ABCC4: variants seen among roughly 807,000 people sequenced by gnomAD.
ABCC4 encodes the protein ATP-binding cassette sub-family C member 4.
In ABCC4, 102 loss-of-function variants were observed where a neutral mutation model predicts 168.5. That is an observed-to-expected ratio of 0.61 (90% CI 0.52 to 0.71). The LOEUF (loss-of-function observed/expected upper bound fraction) is 0.71, where lower values mean the gene tolerates loss of function less well. Ranked by LOEUF, ABCC4 falls within the 30% of genes least tolerant of loss-of-function variation. The probability of loss-of-function intolerance (pLI) is 0.00; values close to 1 mark genes in which losing one functional copy is unlikely to be tolerated. For synonymous variants in ABCC4, 617 were observed against 590.7 expected (o/e 1.04, Z -0.65); for missense variants, 1,402 against 1,605.8 (o/e 0.87, Z 2.17).
chr13:95,203,656 C>T (rs958360004), intron 8 of ABCC4, among the ~76,000 whole-genome samples: 25 of 152,186 alleles, frequency 1.6e-4, no homozygotes, highest in African/African-American at 5.8e-4. Context: ...CCGCGCCTGG[C>T]CAGGAGGGTC....
At chr13:95,035,927 G>A (rs1362610314) in intron 29 of ABCC4, among the ~76,000 whole-genome samples, 3 of 152,224 alleles carry the variant, frequency 2.0e-5, no homozygotes, top group East Asian at 1.9e-4. Context: ...GTATTTAATC[G>A]GACACATTTA....
At chr13:95,026,715 C>T (rs2031560805) in intron 30 of ABCC4, among the ~76,000 whole-genome samples, 1 of 151,972 alleles carries the variant, frequency 6.6e-6, no homozygotes, top group African/African-American at 2.4e-5. Flanking sequence ...ACAGTGAGAC[C>T]TTGTCTCTAT....
chr13:95,232,371 AAAG>A (rs2039646582), intron 4 of ABCC4, among the ~76,000 whole-genome samples: 1 of 152,168 alleles, frequency 6.6e-6, no homozygotes, highest in Non-Finnish European at 1.5e-5. Context: ...CAACGAGGTC[AAAG>A]AAGAATACTT....
At chr13:95,100,678 T>C (rs1440149425) in intron 20 of ABCC4, among the ~76,000 whole-genome samples, 1 of 152,150 alleles carries the variant, frequency 6.6e-6, no homozygotes, top group Non-Finnish European at 1.5e-5. Flanking sequence ...CACAGACTAG[T>C]CCATCCTTGT....
chr13:95,247,439 C>G (rs890484522), intron 2 of ABCC4, among the ~76,000 whole-genome samples: 3 of 152,140 alleles, frequency 2.0e-5, no homozygotes, highest in Non-Finnish European at 4.4e-5. Context: ...TGCTGGCTCC[C>G]CTGACCTCTA....
At chr13:95,163,701 A>G in intron 16 of ABCC4, 54 bp from the exon 17 acceptor site, 2 of 1,448,078 alleles carry the variant, frequency 1.4e-6, no homozygotes, top group Non-Finnish European at 1.9e-6. Context: ...TGACTTACCA[A>G]CTCAAAACTC....
chr13:95,234,691 T>C lies in ABCC4; in HGVS notation c.450A>G (p.Ile150Met), dbSNP rs139097120. 6.2e-7 allele frequency: 1 copy of C among 1,614,024 alleles called. No homozygotes were observed. Among genetic ancestry groups the C allele is most frequent in the African/African-American group, 1.3e-5 (1 of 74,918 alleles). The change falls in exon 4 of 31, where the codon ATA (isoleucine) becomes ATG (methionine). Residue 150 changes from isoleucine to methionine, a missense_variant. By Grantham distance (10) the Ile-to-Met change is conservative. Transcript: ENST00000645237. ...CGTGATAAAAATATAAGTGATGCAG[T>C]ATAGCCAAAATGAGCGTGCAAAAAG... Reference protein sequence around the residue: ...VLTFCTLILAILHHLYFYHVQ... With the variant: ...VLTFCTLILAMLHHLYFYHVQ...
chr13:95,089,474 T>C (rs1759203623), intron 20 of ABCC4, among the ~76,000 whole-genome samples: 1 of 151,918 alleles, frequency 6.6e-6, no homozygotes, highest in Non-Finnish European at 1.5e-5. Flanking sequence ...AAAATTTAGC[T>C]AGGCGTGGTC....
At chr13:95,274,409 T>C (rs772567807) in intron 1 of ABCC4, among the ~76,000 whole-genome samples, 11 of 152,172 alleles carry the variant, frequency 7.2e-5, no homozygotes, top group Non-Finnish European at 1.0e-4. Context: ...ATGCCGTCTT[T>C]ATCTAGCCTG....
chr13:95,034,388 C>T (rs1173242992), intron 30 of ABCC4, among the ~76,000 whole-genome samples: 1 of 152,234 alleles, frequency 6.6e-6, no homozygotes, highest in African/African-American at 2.4e-5. Context: ...CATGTGTGCA[C>T]ACACTCGACC....
At chr13:95,028,814 T>C (rs1566354758) in intron 30 of ABCC4, among the ~76,000 whole-genome samples, 6 of 147,724 alleles carry the variant, frequency 4.1e-5, no homozygotes, top group African/African-American at 2.5e-5. Context: ...TGGAAGTTAA[T>C]TGGGAAAAGT....
intron 1 of ABCC4, among the ~76,000 whole-genome samples, chr13:95,267,264 G>A (rs1203055001): frequency 6.6e-6 from 1 of 152,066 alleles, no homozygotes; most frequent in Non-Finnish European, 1.5e-5. Flanking sequence ...GAATCATGGA[G>A]GCAGTTCTTT....
chr13:95,230,700 A>G (rs1594343520), intron 4 of ABCC4, among the ~76,000 whole-genome samples: 1 of 152,308 alleles, frequency 6.6e-6, no homozygotes, highest in African/African-American at 2.4e-5. Context: ...ACTTGAACCC[A>G]GGAGGCAGAG....
At chr13:95,034,556 G>C in intron 30 of ABCC4, 49 bp downstream of exon 30, 1 of 1,592,650 alleles carries the variant, frequency 6.3e-7, no homozygotes, top group Non-Finnish European at 8.5e-7. Context: ...ATTGTGCGGA[G>C]GGAGCCGCTG....
intron 14 of ABCC4, among the ~76,000 whole-genome samples, chr13:95,168,411 C>T (rs942602291): frequency 6.6e-6 from 1 of 152,102 alleles, no homozygotes; most frequent in Non-Finnish European, 1.5e-5. Context: ...ATTCACTTGC[C>T]GGGACTTCAG....
intron 1 of ABCC4, among the ~76,000 whole-genome samples, chr13:95,288,062 A>G (rs964273524): frequency 8.6e-6 from 1 of 116,408 alleles, no homozygotes; most frequent in African/African-American, 2.5e-5. Flanking sequence ...TAAATAAATA[A>G]ATAAATATTT....
chr13:95,223,730 G>C (rs906141008), intron 4 of ABCC4, among the ~76,000 whole-genome samples: 2 of 152,164 alleles, frequency 1.3e-5, no homozygotes, highest in African/African-American at 4.8e-5. Flanking sequence ...TCAAACTCCT[G>C]ACTTCATGTG....
chr13:95,173,106 C>A (rs991169807), intron 13 of ABCC4, among the ~76,000 whole-genome samples: 1 of 149,404 alleles, frequency 6.7e-6, no homozygotes, highest in East Asian at 2.0e-4. Context: ...ACTACACAAA[C>A]ACAGAAAACA....
intron 4 of ABCC4, among the ~76,000 whole-genome samples, chr13:95,212,447 AT>A (rs1364240724): frequency 2.0e-5 from 3 of 152,252 alleles, no homozygotes; most frequent in Non-Finnish European, 4.4e-5. Context: ...TTTTAAAAAA[AT>A]AAAAGCAAAA....
Sources: allele counts gnomAD v4.1 joint callset (sites outside exome capture counted in the v4.1 genomes callset), GRCh38; gene constraint gnomAD v4.1.1; transcripts MANE v1.5; gene names NCBI Gene and HGNC (gene_info 2026-07-23, HGNC 2026-07-21).